The following PRKAR1A variants were observed in gnomAD, a reference collection of about 807,000 sequenced individuals.
PRKAR1A encodes cAMP-dependent protein kinase type I-alpha regulatory subunit.
In PRKAR1A, 3 loss-of-function variants were observed where a neutral mutation model predicts 52.0. That is an observed-to-expected ratio of 0.06 (90% CI 0.03 to 0.15). The LOEUF (loss-of-function observed/expected upper bound fraction) is 0.15. Among genes scored for constraint, PRKAR1A ranks in the 10% least tolerant of loss-of-function variants. The pLI, the probability that PRKAR1A is intolerant of heterozygous loss-of-function variation, is 1.00. For missense variants in PRKAR1A, 240 were observed against 477.4 expected (o/e 0.50, Z 4.63); for synonymous variants, 188 against 168.4 (o/e 1.12, Z -0.90).
At chr17:68,486,450 C>T in the PRKAR1A span, among the ~76,000 whole-genome samples, 3 of 132,942 alleles carry the variant, frequency 2.3e-5, no homozygotes, top group Non-Finnish European at 3.2e-5. Context: ...TCCTTCCTTC[C>T]CTCTTTCTTT....
downstream of PRKAR1A, chr17:68,533,440 G>C (rs2086031493): frequency 9.5e-7 from 1 of 1,050,362 alleles, no homozygotes; most frequent in South Asian, 4.6e-5. Context: ...AATTTCTCTG[G>C]GTTGACAGTC....
downstream of PRKAR1A, chr17:68,533,513 A>G (rs912754677): frequency 1.0e-5 from 8 of 803,002 alleles, no homozygotes; most frequent in Non-Finnish European, 1.2e-5. Context: ...TGTTTCTTTT[A>G]TTTTTTAATG....
the PRKAR1A span, among the ~76,000 whole-genome samples, chr17:68,423,440 C>G: frequency 7.9e-5 from 12 of 152,190 alleles, no homozygotes. This position sits in a 1 kb window ranked among gnomAD's most constrained non-coding sequence, Gnocchi z 4.4. Flanking sequence ...GGCTGGAGGG[C>G]AGACTGAGAG....
the PRKAR1A span, among the ~76,000 whole-genome samples, chr17:68,457,712 C>G: frequency 6.6e-6 from 1 of 152,172 alleles, no homozygotes; most frequent in Admixed American, 6.5e-5. Context: ...GAGCCCAAGC[C>G]ACGGCTGGCG....
At chr17:68,417,733 ATTTTTTTTTTTTTTTTTTTTT>A in the PRKAR1A span, among the ~76,000 whole-genome samples, 4 of 60,788 alleles carry the variant, frequency 6.6e-5, no homozygotes, top group African/African-American at 2.5e-4. Flanking sequence ...GAGTTGCTGA[ATTTTTTTTTTTTTTTTTTTTT>A]TTTTTTTTTT....
the PRKAR1A span, among the ~76,000 whole-genome samples, chr17:68,472,195 C>T: frequency 6.6e-6 from 1 of 152,178 alleles, no homozygotes; most frequent in African/African-American, 2.4e-5. Flanking sequence ...CCACACAACC[C>T]CTTTCTTCTG....
At position 68,530,255 on chromosome 17, in the gene PRKAR1A, TACCC is replaced by T; in HGVS notation, c.974-20_974-17del. 6.2e-7 allele frequency: 1 copy of T among 1,613,598 alleles called. No homozygotes were observed. Among genetic ancestry groups the T allele is most frequent in the Non-Finnish European group, 8.5e-7 (1 of 1,179,486 alleles). On this transcript the variant is annotated intron_variant, in intron 10 of 10. Coordinates refer to ENST00000589228, the MANE Select transcript of PRKAR1A (RefSeq NM_002734.5). Reference sequence around the variant, plus strand: ...ATGTTTTTCATAGAAGTTAGCCTGTTACCCATCTTTGCTTTCTCCAGGTGAAATT... The same window carrying T: ...ATGTTTTTCATAGAAGTTAGCCTGTTATCTTTGCTTTCTCCAGGTGAAATT...
At chr17:68,543,556 G>C in intron 11 of PRKAR1A, 1 of 1,319,846 alleles carries the variant, frequency 7.6e-7, no homozygotes, top group Admixed American at 1.7e-5. Context: ...CCCACCTTGA[G>C]GGTCTGTCTA....
At chr17:68,486,511 T>TCCC in the PRKAR1A span, among the ~76,000 whole-genome samples, 95 of 42,274 alleles carry the variant, frequency 2.2e-3, no homozygotes, top group Non-Finnish European at 3.8e-3. Context: ...CCTTCCTTCT[T>TCCC]TCTTTCTTTC....
chr17:68,418,471 A>C, the PRKAR1A span, among the ~76,000 whole-genome samples: 1 of 152,208 alleles, frequency 6.6e-6, no homozygotes, highest in East Asian at 1.9e-4. Flanking sequence ...TCTACTGATC[A>C]ACTTGACTCT....
At chr17:68,523,658 C>G in intron 3 of PRKAR1A, 67 bp from the exon 4 acceptor site, 1 of 1,216,470 alleles carries the variant, frequency 8.2e-7, no homozygotes, top group Non-Finnish European at 1.2e-6. Flanking sequence ...TTAATTGAAG[C>G]GCAGGTTGCA....
the PRKAR1A span, among the ~76,000 whole-genome samples, chr17:68,454,340 C>G: frequency 6.6e-6 from 1 of 152,220 alleles, no homozygotes; most frequent in Non-Finnish European, 1.5e-5. Flanking sequence ...AAGCAACTTA[C>G]TATTACAAGC....
At chr17:68,507,188 C>T (rs910038058), upstream of PRKAR1A, among the ~76,000 whole-genome samples, 3 of 152,176 alleles carry the variant, frequency 2.0e-5, no homozygotes, top group Admixed American at 2.0e-4. Flanking sequence ...TCCTAGTCAA[C>T]GATCATACCA....
chr17:68,437,029 T>C, the PRKAR1A span, among the ~76,000 whole-genome samples: 15 of 150,564 alleles, frequency 1.0e-4, no homozygotes, highest in African/African-American at 3.4e-4. Flanking sequence ...TGTGTGTGTG[T>C]GTGTGTGTAT....
intron 11 of PRKAR1A, among the ~76,000 whole-genome samples, chr17:68,545,891 C>A (rs539821838): frequency 6.6e-6 from 1 of 152,166 alleles, no homozygotes; most frequent in Non-Finnish European, 1.5e-5. Context: ...CCTTATTGGT[C>A]GGGTGCGGTG....
the PRKAR1A span, chr17:68,457,396 G>A: frequency 6.5e-7 from 1 of 1,533,014 alleles, no homozygotes; most frequent in Middle Eastern, 1.7e-4. Context: ...CCCGCCCGGG[G>A]GAGCGTCCGC....
downstream of PRKAR1A, chr17:68,537,765 C>A (rs774852696): frequency 8.8e-6 from 14 of 1,599,528 alleles, no homozygotes; most frequent in Non-Finnish European, 1.1e-5. This position sits in a 1 kb window ranked among gnomAD's most constrained non-coding sequence, Gnocchi z 4.2. Context: ...GTTACAGGAA[C>A]CAAATAAGCA....
the PRKAR1A span, among the ~76,000 whole-genome samples, chr17:68,434,059 C>T: frequency 6.6e-6 from 1 of 152,068 alleles, no homozygotes; most frequent in African/African-American, 2.4e-5. Context: ...CGTGAGCCAC[C>T]GCGCCCGGCC....
At chr17:68,457,317 T>G in the PRKAR1A span, 7,326 of 1,540,262 alleles carry the variant, frequency 4.8e-3, 23 homozygotes, top group Non-Finnish European at 5.8e-3. Context: ...CCCACCTCCC[T>G]GGCAGGGGCC....
Sources: gnomAD v4.1 joint callset for allele counts (sites outside exome capture counted in the v4.1 genomes callset) on GRCh38, gnomAD v4.1.1 for gene constraint, Gnocchi (gnomAD v3.1) non-coding constraint, MANE v1.5 for transcripts, NCBI Gene and HGNC (gene_info 2026-07-23, HGNC 2026-07-21) for gene names.